SNTB2: variants seen among roughly 807,000 people sequenced by gnomAD.
SNTB2 encodes syntrophin beta 2, also known as beta-2-syntrophin.
A neutral mutation model predicts 46.2 loss-of-function variants in SNTB2; 34 were observed. The ratio of observed to expected loss-of-function variants is 0.74; its 90% CI spans 0.56 to 0.98. The LOEUF (loss-of-function observed/expected upper bound fraction) is 0.98, where lower values mean the gene tolerates loss of function less well. Among genes scored for constraint, SNTB2 ranks in the 50% least tolerant of loss-of-function variants. The probability of loss-of-function intolerance (pLI) is 0.00; values close to 1 mark genes in which losing one functional copy is unlikely to be tolerated. For synonymous variants in SNTB2, 290 were observed against 312.6 expected (o/e 0.93, Z 0.76); for missense variants, 603 against 731.4 (o/e 0.82, Z 2.02).
In SNTB2 at chr16:69,213,123, A is replaced by G. The variant is rs367981464; in HGVS notation, c.580+25377A>G. Among the ~76,000 whole-genome samples the G allele has an allele frequency of 2.2e-4, 33 of 152,272 alleles. No homozygotes were observed. The East Asian group carries it at 6.0e-3, about 28-fold the overall frequency. ...ATCATTAAGACCTCAGTTTCTTTAT[A>G]TGTAAAATGGGAGTAATAACGTGCC... On this transcript the variant is annotated intron_variant, in intron 1 of 6. Coordinates refer to ENST00000336278, the MANE Select transcript of SNTB2 (RefSeq NM_006750.4).
At chr16:69,220,195 C>T (rs1357595729) in intron 1 of SNTB2, among the ~76,000 whole-genome samples, 6 of 110,340 alleles carry the variant, frequency 5.4e-5, no homozygotes, top group African/African-American at 7.1e-5. Context: ...CAGAGTCTTA[C>T]TCGTTGCCCA....
intron 2 of SNTB2, among the ~76,000 whole-genome samples, chr16:69,255,221 G>T (rs747359921): frequency 1.3e-5 from 2 of 151,668 alleles, no homozygotes; most frequent in South Asian, 4.2e-4. Context: ...CCTCAGCCTC[G>T]CTAGTAGCTA....
intron 4 of SNTB2, among the ~76,000 whole-genome samples, chr16:69,276,583 G>C (rs1342906934): frequency 4.6e-5 from 7 of 152,196 alleles, no homozygotes; most frequent in African/African-American, 9.7e-5. Context: ...AACTCTTTCT[G>C]AGGTAGCTAA....
intron 1 of SNTB2, among the ~76,000 whole-genome samples, chr16:69,219,643 G>T (rs768090286): frequency 3.9e-5 from 6 of 152,118 alleles, no homozygotes; most frequent in African/African-American, 7.2e-5. Context: ...TAAAAAGTCC[G>T]TCTCATTTGG....
intron 4 of SNTB2, among the ~76,000 whole-genome samples, chr16:69,280,727 A>AT (rs201979698): frequency 0.013 from 1,954 of 151,326 alleles, 19 homozygotes; most frequent in Middle Eastern, 0.031. Flanking sequence ...TTCTTTATAT[A>AT]TTTTGGATAC....
At chr16:69,259,474 A>G (rs1022659399) in intron 2 of SNTB2, among the ~76,000 whole-genome samples, 7 of 151,736 alleles carry the variant, frequency 4.6e-5, no homozygotes, top group South Asian at 2.1e-4. Flanking sequence ...ACCTCAGGCA[A>G]TCTGCCCGCC....
chr16:69,243,545 C>G (rs1406406854), intron 1 of SNTB2, among the ~76,000 whole-genome samples: 1 of 152,164 alleles, frequency 6.6e-6, no homozygotes, highest in Non-Finnish European at 1.5e-5. Flanking sequence ...TTTCTAACCA[C>G]TATATTATTC....
chr16:69,187,661 G>T lies in SNTB2; in HGVS notation c.495G>T (p.Ser165=). The T allele has an allele frequency of 6.5e-7, 1 of 1,544,730 alleles. No individual in the cohort carries two copies. The highest frequency in any genetic ancestry group is 2.0e-5 in the Admixed American group (1 of 50,454). The change falls in exon 1 of 7, where the codon TCG becomes TCT. Residue 165 remains serine (S), a synonymous_variant. Coordinates refer to ENST00000336278, the MANE Select transcript of SNTB2 (RefSeq NM_006750.4). The part of the protein sequence containing the change: ...RALRLGDAIL[S]VNGTDLRQAT... ...TGCGGCTGGGCGACGCCATCCTGTC[G>T]GTGAACGGCACCGACCTGCGCCAGG...
Position 69,187,191 on chromosome 16 carries a change from G to A in SNTB2, c.25G>A (p.Ala9Thr), listed in dbSNP as rs1963996037. Residue 9 changes from alanine (A) to threonine (T), a missense_variant, in exon 1 of 7, where the codon GCG becomes ACG. Coordinates refer to ENST00000336278, the MANE Select transcript of SNTB2 (RefSeq NM_006750.4). ...AATGAGGGTAGCTGCGGCGACTGCG[G>A]CGGCTGGAGCGGGGCCGGCCATGGC... MRVAAATA[A>T]AGAGPAMAVW... 2.9e-6 allele frequency: 4 copies of A among 1,381,224 alleles called. No homozygotes were observed. Among genetic ancestry groups the A allele is most frequent in the Middle Eastern group, 2.6e-4 (1 of 3,876 alleles). The allele number at this position is 1,381,224 out of a possible 1,614,324, so 85.6% of individuals were successfully genotyped here.
intron 1 of SNTB2, among the ~76,000 whole-genome samples, 192 bp downstream of exon 1, chr16:69,187,938 G>T (rs912004420): frequency 1.3e-5 from 2 of 152,184 alleles, no homozygotes; most frequent in Non-Finnish European, 1.5e-5. Context: ...CCGAAGTGTG[G>T]CTTGCAGCCC....
At chr16:69,228,505 CA>C (rs778681180) in intron 1 of SNTB2, among the ~76,000 whole-genome samples, 1,844 of 50,174 alleles carry the variant, frequency 0.037, 10 homozygotes, top group African/African-American at 0.061. Flanking sequence ...GACTCTATCT[CA>C]AAAAAAAAAA....
intron 3 of SNTB2, among the ~76,000 whole-genome samples, chr16:69,261,459 G>A (rs572829246): frequency 1.1e-4 from 16 of 151,860 alleles, no homozygotes; most frequent in African/African-American, 2.9e-4. Context: ...GGTCACCAGC[G>A]AGAGTAATTT....
chr16:69,207,670 C>T (rs1284405558), intron 1 of SNTB2, among the ~76,000 whole-genome samples: 1 of 152,136 alleles, frequency 6.6e-6, no homozygotes, highest in Non-Finnish European at 1.5e-5. Context: ...GCTGACAATA[C>T]TTTTGTTAGC....
rs568149072 is a variant in SNTB2 at position 69,192,757 on chromosome 16, G to A, written c.580+5011G>A. Among the ~76,000 whole-genome samples, 14 of 152,198 alleles carry A rather than the reference G, an allele frequency of 9.2e-5. No individual in the cohort carries two copies. In the East Asian group the frequency reaches 1.9e-3, roughly 21 times the overall value. On this transcript the variant is annotated intron_variant, in intron 1 of 6. Coordinates refer to ENST00000336278, the MANE Select transcript of SNTB2 (RefSeq NM_006750.4). ...AATAAAATTTGTGTTAGATTTTAGT[G>A]TAAAAACAAAACTCGTGAAATAATT... is the stretch of plus-strand genomic sequence containing the variant.
At chr16:69,252,751 C>T (rs1443261905) in intron 2 of SNTB2, among the ~76,000 whole-genome samples, 1 of 152,154 alleles carries the variant, frequency 6.6e-6, no homozygotes, top group Non-Finnish European at 1.5e-5. Flanking sequence ...TGACAAGAGG[C>T]CAAAACTTCA....
At chr16:69,240,750 TA>T (rs1964603744) in intron 1 of SNTB2, 1 of 152,256 alleles carries the variant, frequency 6.6e-6, no homozygotes, top group Admixed American at 6.5e-5. Flanking sequence ...AGTTGATGTT[TA>T]TAAAAGAGGT....
intron 2 of SNTB2, among the ~76,000 whole-genome samples, chr16:69,257,532 C>T (rs904128454): frequency 7.2e-5 from 11 of 151,878 alleles, no homozygotes; most frequent in South Asian, 4.2e-4. Context: ...CTGCAAGCTC[C>T]GCCTCCGGGT....
At chr16:69,286,314 G>A (rs1476100512) in intron 5 of SNTB2, among the ~76,000 whole-genome samples, 1 of 152,184 alleles carries the variant, frequency 6.6e-6, no homozygotes, top group East Asian at 1.9e-4. Context: ...TACTTAGGAG[G>A]CTGAGGCAGG....
rs142744028 is a variant in SNTB2 at position 69,234,751 on chromosome 16, G to A, written c.581-10851G>A. Among the ~76,000 whole-genome samples the A allele has an allele frequency of 1.1e-3, 166 of 150,416 alleles. 2 individuals are homozygous for A. The highest frequency in any genetic ancestry group is 3.7e-3 in the African/African-American group (149 of 40,792). ...CAAGTCTCACTCTGTCACCTAGGCTGGAGTGCAGTGGCATGATCTTGTCTC... is the reference window on the plus strand; with the variant it reads ...CAAGTCTCACTCTGTCACCTAGGCTAGAGTGCAGTGGCATGATCTTGTCTC... On this transcript the variant is annotated intron_variant, in intron 1 of 6. Coordinates refer to ENST00000336278, the MANE Select transcript of SNTB2 (RefSeq NM_006750.4).
Sources: allele counts gnomAD v4.1 joint callset (sites outside exome capture counted in the v4.1 genomes callset), GRCh38; gene constraint gnomAD v4.1.1; transcripts MANE v1.5; gene names NCBI Gene and HGNC (gene_info 2026-07-23, HGNC 2026-07-21).